CD99: variants seen among roughly 807,000 people sequenced by gnomAD.
CD99 encodes the protein CD99 antigen.
A neutral mutation model predicts 28.4 loss-of-function variants in CD99; 19 were observed. That is an observed-to-expected ratio of 0.67 (90% CI 0.47 to 0.98). CD99 has a LOEUF of 0.98. Among genes scored for constraint, CD99 ranks in the 50% least tolerant of loss-of-function variants. CD99 has a pLI of 0.00. For missense variants in CD99, 283 were observed against 248.8 expected (o/e 1.14, Z -0.92); for synonymous variants, 103 against 92.1 (o/e 1.12, Z -0.67).
chrX:2,719,500 G>T, intron 3 of CD99, 161 bp from the exon 4 acceptor site: 1 of 687,318 alleles, frequency 1.5e-6, no homozygotes, highest in Non-Finnish European at 2.6e-6. Context: ...ATGTAAAAAT[G>T]GTCAGGAATT....
Position 2,692,434 on chromosome X carries a change from A to G in CD99, c.67+1007A>G, listed in dbSNP as rs1190922619. 5.3e-5 allele frequency among the ~76,000 whole-genome samples: 8 copies of G among 152,250 alleles called. No individual in the cohort carries two copies. The East Asian group carries it at 1.5e-3, about 29-fold the overall frequency. On this transcript the variant is annotated intron_variant, in intron 1 of 9. Transcript: ENST00000381192. ...AGGAGGCCCGATTTGTGTTGATAGG[A>G]TCTAGCTCAGCCTAGAGCTGCGGTG...
In CD99 at chrX:2,740,977, AC is replaced by A. The variant is rs1424258918; in HGVS notation, c.*174del. On this transcript the variant is annotated 3_prime_UTR_variant, in exon 10 of 10. Transcript: ENST00000381192. ...GCTTGTTGCTGGGCGGATGATGTTTACTAACGATGAATTTTACATCCAAAGG... is the reference window on the plus strand; with the variant it reads ...GCTTGTTGCTGGGCGGATGATGTTTATAACGATGAATTTTACATCCAAAGG... The A allele has an allele frequency of 5.3e-6, 4 of 753,786 alleles. No homozygotes were observed. Among genetic ancestry groups the A allele is most frequent in the Non-Finnish European group, 9.2e-6 (4 of 436,358 alleles). 46.7% of individuals were successfully genotyped at this position (753,786 alleles called of 1,614,324 possible).
At chrX:2,736,018 T>C (rs5982842) in intron 8 of CD99, among the ~76,000 whole-genome samples, 3,658 of 151,542 alleles carry the variant, frequency 0.024, 117 homozygotes, top group Middle Eastern at 0.075. Flanking sequence ...CTGGCTAACA[T>C]GGTGAAACCC....
At chrX:2,723,165 T>G in intron 6 of CD99, 149 bp from the exon 7 acceptor site, 1 of 776,688 alleles carries the variant, frequency 1.3e-6, no homozygotes, top group Non-Finnish European at 2.3e-6. Flanking sequence ...ACCCTTAGAG[T>G]GTAATAGGCA....
chrX:2,703,939 G>A (rs2048000950), intron 1 of CD99, among the ~76,000 whole-genome samples: 1 of 152,086 alleles, frequency 6.6e-6, no homozygotes, highest in Non-Finnish European at 1.5e-5. Flanking sequence ...ACGGAGAGCA[G>A]GGAACCCCGA....
At chrX:2,729,646 C>T (rs1329845103) in intron 8 of CD99, among the ~76,000 whole-genome samples, 1 of 152,042 alleles carries the variant, frequency 6.6e-6, no homozygotes, top group African/African-American at 2.4e-5. Flanking sequence ...TGGGAAAGCA[C>T]CCAGGAGGCT....
chrX:2,737,889 T>G (rs1389908428), intron 8 of CD99: 8 of 554,012 alleles, frequency 1.4e-5, no homozygotes, highest in Non-Finnish European at 2.7e-5. Context: ...AGAAAGAGCT[T>G]CCATGTGCGT....
In CD99 at chrX:2,691,353, GGC is replaced by G. The variant is rs1347372595; in HGVS notation, c.-5_-4del. On this transcript the variant is annotated 5_prime_UTR_variant, in exon 1 of 10. Transcript: ENST00000381192. ...TCCGGGACCGTCCCTGCGCGCTCTG[GGC>G]GCACCATGGCCCGCGGGGCTGCGCT... The G allele has an allele frequency of 3.2e-6, 5 of 1,564,068 alleles. No individual in the cohort carries two copies. The highest frequency in any genetic ancestry group is 4.3e-6 in the Non-Finnish European group (5 of 1,165,382).
At chrX:2,701,884 G>A (rs968570536) in intron 1 of CD99, among the ~76,000 whole-genome samples, 5 of 152,184 alleles carry the variant, frequency 3.3e-5, no homozygotes, top group African/African-American at 1.2e-4. Flanking sequence ...TATTTTAGGA[G>A]ATATTGAGGA....
intron 7 of CD99, among the ~76,000 whole-genome samples, chrX:2,724,939 G>A: frequency 6.6e-6 from 1 of 150,938 alleles, no homozygotes; most frequent in South Asian, 2.1e-4. Flanking sequence ...GCACACACCT[G>A]TAATCCCAGC....
chrX:2,700,156 G>A (rs986852403), intron 1 of CD99, among the ~76,000 whole-genome samples: 8 of 152,118 alleles, frequency 5.3e-5, no homozygotes, highest in African/African-American at 1.7e-4. Context: ...CCCCAGGCAC[G>A]GCCTTGTGGA....
At chrX:2,723,960 GGGAAGGAGGGAAGGAAAGAA>G (rs1231771553) in intron 7 of CD99, among the ~76,000 whole-genome samples, 1 of 141,038 alleles carries the variant, frequency 7.1e-6, no homozygotes, top group East Asian at 2.3e-4. Flanking sequence ...GAAGAAAAAA[GGGAAGGAGGGAAGGAAAGAA>G]GGAAGGAGGG....
intron 1 of CD99, among the ~76,000 whole-genome samples, chrX:2,713,678 C>G (rs1464639363): frequency 6.6e-6 from 1 of 152,152 alleles, no homozygotes; most frequent in Non-Finnish European, 1.5e-5. Context: ...TTCTTGGACC[C>G]CTCGCCACCC....
intron 1 of CD99, among the ~76,000 whole-genome samples, chrX:2,707,325 G>T (rs2124513384): frequency 1.1e-5 from 1 of 95,226 alleles, no homozygotes; most frequent in African/African-American, 3.8e-5. Flanking sequence ...GCAAAACTCT[G>T]CCTCAAAAGA....
chrX:2,692,269 T>C (rs1167857913), intron 1 of CD99: 1 of 266,482 alleles, frequency 3.8e-6, no homozygotes, highest in Non-Finnish European at 7.2e-6. Flanking sequence ...TTTTCAATGG[T>C]CAGTGCATTT....
intron 3 of CD99, among the ~76,000 whole-genome samples, chrX:2,718,559 C>T (rs1204601268): frequency 3.3e-5 from 5 of 151,730 alleles, no homozygotes; most frequent in African/African-American, 9.7e-5. Context: ...TTAGTAGAGA[C>T]GGGGTTTCAC....
intron 8 of CD99, among the ~76,000 whole-genome samples, chrX:2,730,427 C>T (rs761769551): frequency 6.6e-6 from 1 of 152,210 alleles, no homozygotes; most frequent in South Asian, 2.1e-4. Context: ...CTGCCTTGGC[C>T]TCCCAAAGTG....
At chrX:2,691,989 A>T (rs1198403161) in intron 1 of CD99, 2 of 748,298 alleles carry the variant, frequency 2.7e-6, no homozygotes, top group South Asian at 2.8e-5. Flanking sequence ...GGGCTCCGGG[A>T]ATTTCAGCGC....
At chrX:2,724,256 A>G (rs2049155829) in intron 7 of CD99, among the ~76,000 whole-genome samples, 2 of 152,136 alleles carry the variant, frequency 1.3e-5, no homozygotes, top group African/African-American at 2.4e-5. Flanking sequence ...ATGTCACTTC[A>G]TCAGGGAGGG....
Sources: gnomAD v4.1 joint callset for allele counts (sites outside exome capture counted in the v4.1 genomes callset) on GRCh38, gnomAD v4.1.1 for gene constraint, MANE v1.5 for transcripts, NCBI Gene and HGNC (gene_info 2026-07-23, HGNC 2026-07-21) for gene names.